The following QSER1 variants were observed in gnomAD, a reference collection of about 807,000 sequenced individuals.
The protein encoded by QSER1 is glutamine and serine-rich protein 1.
In QSER1, 49 loss-of-function variants were observed where a neutral mutation model predicts 158.5. That is an observed-to-expected ratio of 0.31 (90% CI 0.25 to 0.39). The LOEUF (loss-of-function observed/expected upper bound fraction) is 0.39, where lower values mean the gene tolerates loss of function less well. Among genes scored for constraint, QSER1 ranks in the 10% least tolerant of loss-of-function variants. The pLI, the probability that QSER1 is intolerant of heterozygous loss-of-function variation, is 1.00. For synonymous variants in QSER1, 650 were observed against 715.5 expected (o/e 0.91, Z 1.46); for missense variants, 1,754 against 2,010.3 (o/e 0.87, Z 2.44).
chr11:32,938,862 A>G (rs1249726475), intron 4 of QSER1, among the ~76,000 whole-genome samples: 1 of 152,172 alleles, frequency 6.6e-6, no homozygotes, highest in Non-Finnish European at 1.5e-5. Context: ...TGTATCTTGT[A>G]TCAACATAAA....
At chr11:32,894,778 C>CT (rs1256912710) in intron 1 of QSER1, among the ~76,000 whole-genome samples, 1 of 152,182 alleles carries the variant, frequency 6.6e-6, no homozygotes, top group Non-Finnish European at 1.5e-5. Flanking sequence ...TAATTAAATG[C>CT]TGAAACCTTT....
At chr11:32,902,842 G>T (rs1315654508) in intron 1 of QSER1, among the ~76,000 whole-genome samples, 1 of 152,168 alleles carries the variant, frequency 6.6e-6, no homozygotes, top group African/African-American at 2.4e-5. Flanking sequence ...TAGAATGTAG[G>T]TACTATTGTT....
chr11:32,947,058 G>A (rs941985665), intron 4 of QSER1, among the ~76,000 whole-genome samples: 6 of 152,200 alleles, frequency 3.9e-5, no homozygotes, highest in African/African-American at 7.2e-5. Context: ...TGCGCTTCCC[G>A]AGTGAGGCAA....
At chr11:32,946,319 T>C (rs924526628) in intron 4 of QSER1, among the ~76,000 whole-genome samples, 5 of 152,330 alleles carry the variant, frequency 3.3e-5, no homozygotes, top group African/African-American at 1.2e-4. Context: ...CGCTCTGATT[T>C]TTAGAGTTTC....
rs761832563 is a variant in QSER1, at chr11:32,953,876, T to C, written c.4197T>C (p.Thr1399=). 9 of 1,613,330 alleles carry C rather than the reference T, an allele frequency of 5.6e-6. No individual in the cohort carries two copies. In the South Asian group the frequency reaches 9.9e-5, roughly 18 times the overall value. Residue 1399 remains threonine (T), a synonymous_variant, in exon 5 of 13, where the codon ACT becomes ACC. Coordinates refer to ENST00000650167, the MANE Select transcript of QSER1 (RefSeq NM_001076786.3). The stretch of plus-strand genomic sequence containing the variant: ...TTTCAGAAGCCCTACAGGTGGCAAC[T>C]ACTAGCCCAACTGCCAATACTACTG... The part of the protein sequence containing the change: ...KKKTEALQVA[T]TSPTANTTGT...
chr11:32,940,464 T>C lies in QSER1; in HGVS notation c.4177+5029T>C, dbSNP rs139342944. Among the ~76,000 whole-genome samples the C allele has an allele frequency of 2.2e-3, 341 of 152,304 alleles. 3 individuals carry two copies. The highest frequency in any genetic ancestry group is 7.6e-3 in the African/African-American group (314 of 41,566). ...TCATAAGTGAGATTAGCTTATAGTA[T>C]TTTTTGTCTTAATCTGACTCACTTT... On this transcript the variant is annotated intron_variant, in intron 4 of 12. Transcript: ENST00000650167.
chr11:32,933,354 A>C lies in QSER1; in HGVS notation c.2096A>C (p.Gln699Pro). The C allele has an allele frequency of 6.2e-7, 1 of 1,613,032 alleles. No individual in the cohort carries two copies. The highest frequency in any genetic ancestry group is 8.5e-7 in the Non-Finnish European group (1 of 1,179,676). ...QEDGFPMQELQVLQPQASLES... is the reference protein window; with the variant it reads ...QEDGFPMQELPVLQPQASLES... ...GATGGTTTTCCAATGCAAGAGTTACAGGTGTTGCAGCCACAAGCATCTCTT... is the reference window on the plus strand; with the variant it reads ...GATGGTTTTCCAATGCAAGAGTTACCGGTGTTGCAGCCACAAGCATCTCTT... Residue 699 changes from glutamine to proline, a missense_variant, in exon 4 of 13, where the codon CAG becomes CCG. Physicochemically the swap from Gln to Pro is moderately conservative, Grantham distance 76. Transcript: ENST00000650167.
intron 1 of QSER1, among the ~76,000 whole-genome samples, chr11:32,895,168 A>G (rs1200645095): frequency 2.0e-5 from 3 of 152,244 alleles, no homozygotes; most frequent in Admixed American, 2.0e-4. Flanking sequence ...GAAAACAGTA[A>G]GTAGATTCAC....
Position 32,935,051 on chromosome 11 carries a change from A to G in QSER1, c.3793A>G (p.Lys1265Glu), listed in dbSNP as rs1852126302. 6.2e-7 allele frequency: 1 copy of G among 1,613,996 alleles called. No homozygotes were observed. The highest frequency in any genetic ancestry group is 1.1e-5 in the South Asian group (1 of 91,094). Residue 1265 changes from lysine (K) to glutamate (E), a missense_variant, in exon 4 of 13, where the codon AAA becomes GAA. Lys to Glu is a moderately conservative substitution (Grantham distance 56). Coordinates refer to ENST00000650167, the MANE Select transcript of QSER1 (RefSeq NM_001076786.3). ...QHQEKMRQKIKEVEEKQPEVK... is the reference protein window; with the variant it reads ...QHQEKMRQKIEEVEEKQPEVK... ...TCAAGAAAAAATGAGACAGAAGATC[A>G]AAGAGGTGGAGGAAAAACAACCAGA...
At chr11:32,964,146 A>T (rs968582648) in intron 8 of QSER1, among the ~76,000 whole-genome samples, 9 of 151,576 alleles carry the variant, frequency 5.9e-5, no homozygotes, top group South Asian at 2.1e-4. Context: ...CTAACTTAAA[A>T]TTTTTTTTTG....
intron 7 of QSER1, 113 bp downstream of exon 7, chr11:32,956,234 C>A: frequency 1.1e-6 from 1 of 896,458 alleles, no homozygotes; most frequent in African/African-American, 1.7e-5. Flanking sequence ...ATACACAAGT[C>A]AAAAAATTTC....
Position 32,932,947 on chromosome 11 carries a change from A to G in QSER1, c.1689A>G (p.Leu563=). 1 of 1,613,538 alleles carries G rather than the reference A, an allele frequency of 6.2e-7. No homozygotes were observed. Among genetic ancestry groups the G allele is most frequent in the Non-Finnish European group, 8.5e-7 (1 of 1,179,988 alleles). ...QSYSSGHSQG[L]SPVSQTQVSY... is the part of the protein sequence containing the mutation. ...ACTCATCTGGTCACTCTCAGGGTTT[A>G]TCACCAGTTAGCCAGACACAGGTTA... The change falls in exon 4 of 13, where the codon TTA becomes TTG. Residue 563 remains leucine (L), a synonymous_variant. Transcript: ENST00000650167.
At chr11:32,904,378 G>A (rs1426342597) in intron 1 of QSER1, among the ~76,000 whole-genome samples, 1 of 151,860 alleles carries the variant, frequency 6.6e-6, no homozygotes, top group East Asian at 1.9e-4. Flanking sequence ...TTTTAGTAGA[G>A]ACGAGGTTTC....
chr11:32,966,203 G>T, intron 8 of QSER1, 97 bp from the exon 9 acceptor site: 1 of 1,309,116 alleles, frequency 7.6e-7, no homozygotes. Flanking sequence ...TGAAGAAATT[G>T]TATCTGCAAT....
chr11:32,896,303 C>A (rs978040969), intron 1 of QSER1, among the ~76,000 whole-genome samples: 3 of 152,096 alleles, frequency 2.0e-5, no homozygotes, highest in Non-Finnish European at 2.9e-5. Flanking sequence ...GAATATGCAC[C>A]AGAAAGTAAG....
chr11:32,899,553 G>T (rs1307092621), intron 1 of QSER1, among the ~76,000 whole-genome samples: 1 of 152,146 alleles, frequency 6.6e-6, no homozygotes, highest in Non-Finnish European at 1.5e-5. Flanking sequence ...TATTTCTGCA[G>T]TGAAAGCTTG....
At chr11:32,971,346 T>G (rs1452605626) in intron 10 of QSER1, among the ~76,000 whole-genome samples, 2 of 152,198 alleles carry the variant, frequency 1.3e-5, no homozygotes, top group East Asian at 3.8e-4. Context: ...TTTCCTATGT[T>G]GATCTTGGTG....
chr11:32,956,824 G>T (rs920768213), intron 7 of QSER1, among the ~76,000 whole-genome samples: 1 of 152,214 alleles, frequency 6.6e-6, no homozygotes, highest in African/African-American at 2.4e-5. Flanking sequence ...CACTAAGGCT[G>T]CAGTGTAGTG....
intron 12 of QSER1, among the ~76,000 whole-genome samples, 160 bp from the exon 13 acceptor site, chr11:32,976,174 C>T (rs1030778320): frequency 2.0e-5 from 3 of 152,102 alleles, no homozygotes; most frequent in African/African-American, 7.2e-5. Context: ...TTTCTGCCAC[C>T]TTGGAGCCAA....
Sources: gnomAD v4.1 joint callset for allele counts (sites outside exome capture counted in the v4.1 genomes callset) on GRCh38, gnomAD v4.1.1 for gene constraint, MANE v1.5 for transcripts, NCBI Gene and HGNC (gene_info 2026-07-23, HGNC 2026-07-21) for gene names.